SUDS3: variants seen among roughly 807,000 people sequenced by gnomAD.
SUDS3 encodes SIN3A corepressor complex component SDS3.
In SUDS3, 23 loss-of-function variants were observed where a neutral mutation model predicts 53.5. That is an observed-to-expected ratio of 0.43 (90% confidence interval 0.31 to 0.61). The LOEUF (loss-of-function observed/expected upper bound fraction) is 0.61. Ranked by LOEUF, SUDS3 falls within the 20% of genes least tolerant of loss-of-function variation. The probability of loss-of-function intolerance (pLI) is 0.10; values close to 1 mark genes in which losing one functional copy is unlikely to be tolerated. For missense variants in SUDS3, 291 were observed against 405.9 expected (o/e 0.72, Z 2.43); for synonymous variants, 150 against 148.5 (o/e 1.01, Z -0.08).
At chr12:118,394,503 C>G (rs930777863) in intron 6 of SUDS3, among the ~76,000 whole-genome samples, 3 of 152,138 alleles carry the variant, frequency 2.0e-5, no homozygotes, top group African/African-American at 7.2e-5. Context: ...TCTGCAGATA[C>G]CATAGATACA....
intron 6 of SUDS3, among the ~76,000 whole-genome samples, chr12:118,399,789 T>C (rs1336015862): frequency 6.6e-6 from 1 of 151,574 alleles, no homozygotes; most frequent in Non-Finnish European, 1.5e-5. Context: ...AGAAGCAACC[T>C]TGGGAGAGGA....
At chr12:118,391,471 T>C (rs2046167317) in intron 6 of SUDS3, among the ~76,000 whole-genome samples, 189 bp downstream of exon 6, 1 of 152,192 alleles carries the variant, frequency 6.6e-6, no homozygotes, top group Non-Finnish European at 1.5e-5. Context: ...TTAACTTCTC[T>C]TTTCTCCTCT....
chr12:118,383,940 C>G, intron 2 of SUDS3, 72 bp from the exon 3 acceptor site: 1 of 1,401,882 alleles, frequency 7.1e-7, no homozygotes, highest in South Asian at 1.2e-5. Flanking sequence ...CAGCTAATTT[C>G]TGTGAGTAGG....
rs748360560 is a variant in SUDS3 at position 118,380,249 on chromosome 12, A to G, written c.212+18A>G. 6.5e-5 allele frequency: 103 copies of G among 1,589,172 alleles called. No homozygotes were observed. Among genetic ancestry groups the G allele is most frequent in the African/African-American group, 1.3e-4 (10 of 74,608 alleles). On this transcript the variant is annotated intron_variant, in intron 2 of 11. Transcript: ENST00000543473. ...AAGGAACAGTGAGTATGATATGCCT[A>G]TGTCTTTTTGGAACATAGAATTGAC...
intron 4 of SUDS3, among the ~76,000 whole-genome samples, chr12:118,388,707 G>A (rs562706108): frequency 6.6e-6 from 1 of 152,312 alleles, no homozygotes; most frequent in Non-Finnish European, 1.5e-5. Flanking sequence ...ATGTGAATAG[G>A]AGGTCAGAGG....
At chr12:118,395,967 A>G (rs2046211377) in intron 6 of SUDS3, among the ~76,000 whole-genome samples, 1 of 152,120 alleles carries the variant, frequency 6.6e-6, no homozygotes, top group Admixed American at 6.5e-5. Flanking sequence ...GACATGAACC[A>G]CCGTGCCCAG....
rs896165805 is a variant in SUDS3, at chr12:118,412,166, T to C, written c.888+1009T>C. ...CAGAGGGTTATACCTGAGGATGATA[T>C]GACTGCCCTCTGAGTTCTCCAAGTG... On this transcript the variant is annotated intron_variant, in intron 11 of 11. Transcript: ENST00000543473. Among the ~76,000 whole-genome samples, 6 of 152,256 alleles carry C rather than the reference T, an allele frequency of 3.9e-5. No homozygotes were observed. In the East Asian group the frequency reaches 9.6e-4, roughly 24 times the overall value.
chr12:118,376,852 C>G lies in SUDS3; in HGVS notation c.142+19C>G. ...GACGAAGGTGAGTCCTGCCGCTCGC[C>G]CGGCCGCCCGGAGCGGAGGTGGGAC... On this transcript the variant is annotated intron_variant, in intron 1 of 11. Transcript: ENST00000543473. 6.6e-7 allele frequency: 1 copy of G among 1,514,878 alleles called. No homozygotes were observed. Among genetic ancestry groups the G allele is most frequent in the Non-Finnish European group, 8.8e-7 (1 of 1,138,046 alleles). The allele number at this position is 1,514,878 out of a possible 1,614,324, so 93.8% of individuals were successfully genotyped here. A position where few individuals can be genotyped will look rare whatever the true frequency, so the allele number is the denominator to read the frequency against.
rs1485026644 is a variant in SUDS3 at position 118,415,935 on chromosome 12, T to C, written c.*1502T>C. 6.6e-6 allele frequency: 1 copy of C among 152,032 alleles called. No homozygotes were observed. The highest frequency in any genetic ancestry group is 2.4e-5 in the African/African-American group (1 of 41,408). 9.4% of individuals were successfully genotyped at this position (152,032 alleles called of 1,614,324 possible). A position where few individuals can be genotyped will look rare whatever the true frequency, so the allele number is the denominator to read the frequency against. On this transcript the variant is annotated 3_prime_UTR_variant, in exon 12 of 12. Coordinates refer to ENST00000543473, the MANE Select transcript of SUDS3 (RefSeq NM_022491.3). ...CAATCCGTTTTTTCCTCTTTTTTTT[T>C]TTTTTTTCTGGTGTTGGAGTCTTAT... is the stretch of plus-strand genomic sequence containing the variant.
In SUDS3 at chr12:118,415,800, CAATT is replaced by C. The variant is rs1039169591; in HGVS notation, c.*1370_*1373del. On this transcript the variant is annotated 3_prime_UTR_variant, in exon 12 of 12. Transcript: ENST00000543473. The stretch of plus-strand genomic sequence containing the variant: ...AAGCAAGTTGGGGGGACTGTGATGA[CAATT>C]AAATCACCTTCTCTGAAGTTCTGGC... 2.6e-5 allele frequency: 4 copies of C among 152,106 alleles called. No individual in the cohort carries two copies. The highest frequency in any genetic ancestry group is 2.1e-4 in the South Asian group (1 of 4,828). The allele number at this position is 152,106 out of a possible 1,614,324, so 9.4% of individuals were successfully genotyped here.
At position 118,413,146 on chromosome 12, in the gene SUDS3, G is replaced by C. The variant is rs1164941980; in HGVS notation, c.889-1189G>C. On this transcript the variant is annotated intron_variant, in intron 11 of 11. Coordinates refer to ENST00000543473, the MANE Select transcript of SUDS3 (RefSeq NM_022491.3). ...TAACTTTTTAAATTTTTAAGCCAGTGTATTTGACTTTAAAGCAGTAGAGAT... is the reference window on the plus strand; with the variant it reads ...TAACTTTTTAAATTTTTAAGCCAGTCTATTTGACTTTAAAGCAGTAGAGAT... 2.0e-5 allele frequency among the ~76,000 whole-genome samples: 3 copies of C among 152,310 alleles called. No individual in the cohort carries two copies. The East Asian group carries it at 5.8e-4, about 29-fold the overall frequency.
chr12:118,413,558 C>G (rs1487010724), intron 11 of SUDS3, among the ~76,000 whole-genome samples: 1 of 152,204 alleles, frequency 6.6e-6, no homozygotes, highest in African/African-American at 2.4e-5. Flanking sequence ...GCACACAGAG[C>G]TCAGTAACCC....
chr12:118,417,323 C>T lies in SUDS3; in HGVS notation c.*2890C>T, dbSNP rs2046409890. ...AGACCCTGTGTTCAGGACTGGGTGACTTTTCTAAGAAATATGGGGTTTAGA... is the reference window on the plus strand; with the variant it reads ...AGACCCTGTGTTCAGGACTGGGTGATTTTTCTAAGAAATATGGGGTTTAGA... On this transcript the variant is annotated 3_prime_UTR_variant, in exon 12 of 12. Coordinates refer to ENST00000543473, the MANE Select transcript of SUDS3 (RefSeq NM_022491.3). 1 of 152,150 alleles carries T rather than the reference C, an allele frequency of 6.6e-6. No individual in the cohort carries two copies. Among genetic ancestry groups the T allele is most frequent in the South Asian group, 2.1e-4 (1 of 4,832 alleles). The allele number at this position is 152,150 out of a possible 1,614,324, so 9.4% of individuals were successfully genotyped here.
At chr12:118,406,366 A>G (rs2046308435) in intron 10 of SUDS3, among the ~76,000 whole-genome samples, 1 of 152,206 alleles carries the variant, frequency 6.6e-6, no homozygotes. Context: ...CTGTAGCTAT[A>G]ACGTGGACTC....
At chr12:118,413,975 T>C (rs936856755) in intron 11 of SUDS3, among the ~76,000 whole-genome samples, 3 of 152,200 alleles carry the variant, frequency 2.0e-5, no homozygotes, top group Admixed American at 6.5e-5. Context: ...AAGTTTGTGT[T>C]TATGAATAGA....
At chr12:118,410,966 A>G in intron 10 of SUDS3, 107 bp from the exon 11 acceptor site, 1 of 888,916 alleles carries the variant, frequency 1.1e-6, no homozygotes, top group Non-Finnish European at 1.8e-6. Flanking sequence ...AATTATTAAG[A>G]CTTCTTTAAT....
chr12:118,403,457 C>G lies in SUDS3; in HGVS notation c.743C>G (p.Ser248Cys). 1 of 1,613,826 alleles carries G rather than the reference C, an allele frequency of 6.2e-7. No individual in the cohort carries two copies. Among genetic ancestry groups the G allele is most frequent in the Non-Finnish European group, 8.5e-7 (1 of 1,179,864 alleles). Residue 248 changes from serine to cysteine, a missense_variant, in exon 10 of 12, where the codon TCT becomes TGT. Physicochemically the swap from Ser to Cys is moderately radical, Grantham distance 112. Coordinates refer to ENST00000543473, the MANE Select transcript of SUDS3 (RefSeq NM_022491.3). Reference protein sequence around the residue: ...PEHLPATPAESPAQRFEARIE... With the variant: ...PEHLPATPAECPAQRFEARIE... ...CACTTGCCTGCAACACCCGCGGAAT[C>G]TCCAGCCCAGAGGTTCGAAGCTCGG...
At chr12:118,400,374 A>G (rs2046253270) in intron 6 of SUDS3, among the ~76,000 whole-genome samples, 1 of 152,066 alleles carries the variant, frequency 6.6e-6, no homozygotes, top group South Asian at 2.1e-4. Flanking sequence ...AATATCCCCT[A>G]GGTTTTGAGG....
Position 118,414,315 on chromosome 12 carries a change from C to T in SUDS3, c.889-20C>T. On this transcript the variant is annotated intron_variant, in intron 11 of 11. Coordinates refer to ENST00000543473, the MANE Select transcript of SUDS3 (RefSeq NM_022491.3). ...TCTGTATTTAACTTTTCATCTTGTT[C>T]CCTTTCCTCTCCCCTGCAGATCTGG... 1 of 1,561,990 alleles carries T rather than the reference C, an allele frequency of 6.4e-7. No individual in the cohort carries two copies. The highest frequency in any genetic ancestry group is 8.7e-7 in the Non-Finnish European group (1 of 1,149,478).
Sources: allele counts gnomAD v4.1 joint callset (sites outside exome capture counted in the v4.1 genomes callset), GRCh38; gene constraint gnomAD v4.1.1; transcripts MANE v1.5; gene names NCBI Gene and HGNC (gene_info 2026-07-23, HGNC 2026-07-21).